PWWP3B: variants seen among roughly 807,000 people sequenced by gnomAD.
PWWP3B encodes the protein PWWP domain containing 3B, also known as PWWP domain-containing DNA repair factor 3B.
PWWP3B carries 5 observed loss-of-function variants against 15.7 expected under a neutral mutation model. The ratio of observed to expected loss-of-function variants is 0.32; its 90% CI spans 0.17 to 0.67. The LOEUF is 0.67. PWWP3B is among the 30% of genes least tolerant of loss of function. The probability of loss-of-function intolerance (pLI) is 0.74; values close to 1 mark genes in which losing one functional copy is unlikely to be tolerated. For synonymous variants in PWWP3B, 203 were observed against 179.8 expected, an observed-to-expected ratio of 1.13 and a Z score of -1.03; for missense variants, 519 against 493.1, an observed-to-expected ratio of 1.05 and a Z score of -0.50.
chrX:106,195,719 G>C (rs1305042018), intron 2 of PWWP3B, among the ~76,000 whole-genome samples: 2 of 111,861 alleles, frequency 1.8e-5, no homozygotes, highest in South Asian at 3.7e-4. Context: ...AAATCAGGTA[G>C]TATGAATCTT....
At chrX:106,183,227 C>G (rs1204300859) in intron 2 of PWWP3B, among the ~76,000 whole-genome samples, 2 of 111,833 alleles carry the variant, frequency 1.8e-5, no homozygotes, top group African/African-American at 6.5e-5. Flanking sequence ...ATTCCCTTTT[C>G]TCTGTGACAT....
At chrX:106,174,213 TG>T (rs1412224471) in intron 2 of PWWP3B, among the ~76,000 whole-genome samples, 1 of 111,912 alleles carries the variant, frequency 8.9e-6, no homozygotes, top group Non-Finnish European at 1.9e-5. Context: ...ATGTGTCAAA[TG>T]CAGCTCTGTG....
intron 2 of PWWP3B, among the ~76,000 whole-genome samples, chrX:106,195,345 G>C (rs1379076382): frequency 9.0e-6 from 1 of 111,496 alleles, no homozygotes; most frequent in East Asian, 2.8e-4. Flanking sequence ...AAAAGAACTT[G>C]TTTTCAAGTC....
chrX:106,194,426 C>T (rs1175780156), intron 2 of PWWP3B, among the ~76,000 whole-genome samples: 2 of 111,596 alleles, frequency 1.8e-5, no homozygotes, highest in African/African-American at 6.5e-5. Flanking sequence ...ATTGGTTATT[C>T]TAGTTATACA....
At position 106,203,966 on chromosome X, in the gene PWWP3B, C is replaced by T. The variant is rs983443456; in HGVS notation, c.-400-19C>T. 2.7e-5 allele frequency: 3 copies of T among 112,126 alleles called. No homozygotes were observed. In the Admixed American group the frequency reaches 2.8e-4, roughly 11 times the overall value. 9.2% of individuals were successfully genotyped at this position (112,126 alleles called of 1,213,427 possible). A position where few individuals can be genotyped will look rare whatever the true frequency, so the allele number is the denominator to read the frequency against. The stretch of plus-strand genomic sequence containing the variant: ...TTTCCCATTTCGTTGGTTTTATTCC[C>T]TGCCTTCCTTTTGAACAGCATAGGT... On this transcript the variant is annotated intron_variant, in intron 2 of 3. Coordinates refer to ENST00000357175, the MANE Select transcript of PWWP3B (RefSeq NM_001171020.2).
intron 2 of PWWP3B, among the ~76,000 whole-genome samples, chrX:106,196,793 G>C (rs1923401107): frequency 8.9e-6 from 1 of 111,880 alleles, no homozygotes; most frequent in Non-Finnish European, 1.9e-5. Flanking sequence ...GGTTAATGCT[G>C]GTATTATAAA....
chrX:106,201,575 G>A (rs1483553618), intron 2 of PWWP3B, among the ~76,000 whole-genome samples: 2 of 112,366 alleles, frequency 1.8e-5, no homozygotes, highest in Non-Finnish European at 3.8e-5. Flanking sequence ...TTTTTAAAAA[G>A]GAACATTACT....
chrX:106,189,612 CTTTTTTTTTT>C (rs1277003635), intron 2 of PWWP3B, among the ~76,000 whole-genome samples: 3 of 77,858 alleles, frequency 3.9e-5, no homozygotes, highest in Non-Finnish European at 5.1e-5. Context: ...GCCACATTTT[CTTTTTTTTTT>C]TTTTTTTTTT....
At chrX:106,182,888 GT>G (rs1424625940) in intron 2 of PWWP3B, among the ~76,000 whole-genome samples, 1 of 111,449 alleles carries the variant, frequency 9.0e-6, no homozygotes, top group Non-Finnish European at 1.9e-5. Context: ...GGAGGAAGGG[GT>G]TTTTCCTCAG....
At chrX:106,192,399 A>T (rs2147617154) in intron 2 of PWWP3B, among the ~76,000 whole-genome samples, 1 of 111,096 alleles carries the variant, frequency 9.0e-6, no homozygotes, top group East Asian at 2.8e-4. Context: ...CCCCTTTATC[A>T]TTTTTTATTG....
chrX:106,178,832 TC>T (rs1469970259), intron 2 of PWWP3B, among the ~76,000 whole-genome samples: 5 of 112,603 alleles, frequency 4.4e-5, no homozygotes, highest in African/African-American at 1.6e-4. Context: ...TTTTTATATA[TC>T]TTTCTCATAT....
chrX:106,197,860 A>T (rs1046272298), intron 2 of PWWP3B, among the ~76,000 whole-genome samples: 1 of 111,415 alleles, frequency 9.0e-6, no homozygotes, highest in African/African-American at 3.3e-5. Context: ...TTATCTAGAG[A>T]TTTATCATTA....
intron 2 of PWWP3B, among the ~76,000 whole-genome samples, chrX:106,171,889 T>C (rs1465389333): frequency 9.0e-6 from 1 of 111,178 alleles, no homozygotes. Flanking sequence ...TGCCCTTTTC[T>C]GGAATACCTC....
At chrX:106,204,577 T>G (rs757033415) in intron 3 of PWWP3B, among the ~76,000 whole-genome samples, 3 of 112,100 alleles carry the variant, frequency 2.7e-5, no homozygotes, top group African/African-American at 9.7e-5. Flanking sequence ...GAAGAGTCAT[T>G]GTATTTTTGT....
intron 2 of PWWP3B, among the ~76,000 whole-genome samples, chrX:106,180,915 A>G (rs1355228166): frequency 8.9e-6 from 1 of 112,205 alleles, no homozygotes; most frequent in Non-Finnish European, 1.9e-5. Flanking sequence ...CAGTCCACTA[A>G]TAAAGTCAGA....
Position 106,179,584 on chromosome X carries a change from G to A in PWWP3B, c.-401+8445G>A, listed in dbSNP as rs187641554. Among the ~76,000 whole-genome samples the A allele has an allele frequency of 4.0e-3, 442 of 111,439 alleles. 5 individuals are homozygous for A. Among genetic ancestry groups the A allele is most frequent in the African/African-American group, 0.014 (424 of 30,657 alleles). On this transcript the variant is annotated intron_variant, in intron 2 of 3. Coordinates refer to ENST00000357175, the MANE Select transcript of PWWP3B (RefSeq NM_001171020.2). ...TGCACTTGACATGGGAAATCTGCATGTGATGCCAGGTGAGCCTCTGAGAAA... is the reference window on the plus strand; with the variant it reads ...TGCACTTGACATGGGAAATCTGCATATGATGCCAGGTGAGCCTCTGAGAAA...
At chrX:106,175,228 G>A (rs1230662257) in intron 2 of PWWP3B, among the ~76,000 whole-genome samples, 46 of 104,589 alleles carry the variant, frequency 4.4e-4, no homozygotes, top group Middle Eastern at 9.9e-3. Context: ...CTCACGCTGG[G>A]GTTATTTCTT....
chrX:106,196,179 C>CT (rs1160750670), intron 2 of PWWP3B, among the ~76,000 whole-genome samples: 1 of 111,329 alleles, frequency 9.0e-6, no homozygotes, highest in African/African-American at 3.3e-5. Flanking sequence ...AGCTTCATAG[C>CT]TTTTTTTTGG....
At chrX:106,204,945 C>G (rs1210324535) in intron 3 of PWWP3B, among the ~76,000 whole-genome samples, 1 of 111,125 alleles carries the variant, frequency 9.0e-6, no homozygotes, top group Non-Finnish European at 1.9e-5. Context: ...ATCACAAGCT[C>G]TCCCGCCTCT....
Sources: allele counts gnomAD v4.1 joint callset (sites outside exome capture counted in the v4.1 genomes callset), GRCh38; gene constraint gnomAD v4.1.1; transcripts MANE v1.5; gene names NCBI Gene and HGNC (gene_info 2026-07-23, HGNC 2026-07-21).